The following CHST1 variants were observed in gnomAD, a reference collection of about 807,000 sequenced individuals.
CHST1 encodes the protein carbohydrate sulfotransferase 1.
CHST1 carries 10 observed loss-of-function variants against 22.5 expected under a neutral mutation model. The ratio of observed to expected loss-of-function variants is 0.44; its 90% confidence interval spans 0.27 to 0.75. The LOEUF (loss-of-function observed/expected upper bound fraction) is 0.75, where lower values mean the gene tolerates loss of function less well. CHST1 is among the 30% of genes least tolerant of loss of function. The pLI is 0.15. For synonymous variants in CHST1, 267 were observed against 264.5 expected, an observed-to-expected ratio of 1.01 and a Z score of -0.09; for missense variants, 439 against 576.1, an observed-to-expected ratio of 0.76 and a Z score of 2.44.
chr11:45,649,820 G>C lies in CHST1; in HGVS notation c.1104C>G (p.Ile368Met). 1.9e-6 allele frequency: 3 copies of C among 1,611,734 alleles called. No individual in the cohort carries two copies. Among genetic ancestry groups the C allele is most frequent in the Non-Finnish European group, 2.5e-6 (3 of 1,179,928 alleles). ...GGCAGGCGTTCTGGGCAAAGGCCAC[G>C]ATGTCGTAGGAGAGGCGGAAGCGCC... ...EKWRFRLSYDIVAFAQNACQQ... is the reference protein window; with the variant it reads ...EKWRFRLSYDMVAFAQNACQQ... Residue 368 changes from isoleucine to methionine, a missense_variant, in exon 4 of 4, where the codon ATC (isoleucine) becomes ATG (methionine). Ile to Met is a conservative substitution (Grantham distance 10). Coordinates refer to ENST00000308064, the MANE Select transcript of CHST1 (RefSeq NM_003654.6).
intron 1 of CHST1, among the ~76,000 whole-genome samples, chr11:45,661,436 AAAACAGTCCAGAGAG>A (rs1554942889): frequency 6.6e-6 from 1 of 152,232 alleles, no homozygotes; most frequent in Non-Finnish European, 1.5e-5. Flanking sequence ...TGAGGACAGC[AAAACAGTCCAGAGAG>A]ACCTGCCGGG....
chr11:45,662,799 G>C (rs1332923045), intron 1 of CHST1, among the ~76,000 whole-genome samples: 1 of 152,178 alleles, frequency 6.6e-6, no homozygotes, highest in Non-Finnish European at 1.5e-5. Flanking sequence ...GGGAGAAGCA[G>C]CAGCCTGCCA....
intron 1 of CHST1, among the ~76,000 whole-genome samples, chr11:45,656,366 A>C (rs571532715): frequency 2.0e-5 from 3 of 152,254 alleles, no homozygotes; most frequent in African/African-American, 7.2e-5. Flanking sequence ...GTACTGATAG[A>C]AACAGTCACC....
At position 45,650,533 on chromosome 11, in the gene CHST1, C is replaced by A. The variant is rs1489684099; in HGVS notation, c.391G>T (p.Asp131Tyr). 1 of 1,613,940 alleles carries A rather than the reference C, an allele frequency of 6.2e-7. No homozygotes were observed. Among genetic ancestry groups the A allele is most frequent in the East Asian group, 2.2e-5 (1 of 44,858 alleles). ...ATGTAGTTCTCCAGGAAGTAGAGGT[C>A]GCAGTCGTAGAGGCTCCGCAGGAGG... is the stretch of plus-strand genomic sequence containing the variant. Reference protein sequence around the residue: ...RDLLRSLYDCDLYFLENYIKP... With the variant: ...RDLLRSLYDCYLYFLENYIKP... The change falls in exon 4 of 4, where the codon GAC becomes TAC. Residue 131 changes from aspartate (D) to tyrosine (Y), a missense_variant. Transcript: ENST00000308064.
chr11:45,649,879 T>C lies in CHST1; in HGVS notation c.1045A>G (p.Thr349Ala), dbSNP rs1396566431. 6.2e-7 allele frequency: 1 copy of C among 1,611,174 alleles called. No homozygotes were observed. The highest frequency in any genetic ancestry group is 2.2e-5 in the East Asian group (1 of 44,862). ...DPTLGKHKYG[T>A]VRNSAATAEK... Reference sequence around the variant, plus strand: ...GCCGTGGCCGCCGAGTTTCGCACGGTGCCGTATTTGTGCTTGCCCAGGGTG... The same window carrying C: ...GCCGTGGCCGCCGAGTTTCGCACGGCGCCGTATTTGTGCTTGCCCAGGGTG... Residue 349 changes from threonine (T) to alanine (A), a missense_variant, in exon 4 of 4, where the codon ACC becomes GCC. Coordinates refer to ENST00000308064, the MANE Select transcript of CHST1 (RefSeq NM_003654.6).
chr11:45,654,863 G>A (rs1852043115), intron 1 of CHST1, among the ~76,000 whole-genome samples: 1 of 152,148 alleles, frequency 6.6e-6, no homozygotes, highest in East Asian at 1.9e-4. Context: ...GCTCTATATT[G>A]GAAAACTGTA....
At chr11:45,660,641 A>T (rs1177888472) in intron 1 of CHST1, among the ~76,000 whole-genome samples, 1 of 152,198 alleles carries the variant, frequency 6.6e-6, no homozygotes, top group Non-Finnish European at 1.5e-5. Context: ...TCTCTCAATC[A>T]GTGGTACCTT....
chr11:45,661,768 G>C (rs1037157951), intron 1 of CHST1, among the ~76,000 whole-genome samples: 20 of 152,238 alleles, frequency 1.3e-4, no homozygotes, highest in African/African-American at 4.8e-4. Context: ...AGGAGGGGAG[G>C]AGGGAGCCCT....
At chr11:45,654,200 C>T (rs1472361590) in intron 1 of CHST1, among the ~76,000 whole-genome samples, 1 of 152,174 alleles carries the variant, frequency 6.6e-6, no homozygotes, top group Non-Finnish European at 1.5e-5. Context: ...AGTTTCTTCC[C>T]CCAACTCTTC....
chr11:45,650,338 C>T lies in CHST1; in HGVS notation c.586G>A (p.Ala196Thr), dbSNP rs762830741. The T allele has an allele frequency of 9.4e-6, 15 of 1,603,408 alleles. No individual in the cohort carries two copies. The highest frequency in any genetic ancestry group is 9.3e-6 in the Non-Finnish European group (11 of 1,179,708). Residue 196 changes from alanine (A) to threonine (T), a missense_variant, in exon 4 of 4, where the codon GCG (alanine) becomes ACG (threonine). Transcript: ENST00000308064. ...GCCACGTGGCTGCGCTCGCGGCACG[C>T]CTCGGCCGCCACGGTCAGGTTGAGT... Reference protein sequence around the residue: ...GLLNLTVAAEACRERSHVAIK... With the variant: ...GLLNLTVAAETCRERSHVAIK...
intron 2 of CHST1, among the ~76,000 whole-genome samples, 200 bp from the exon 3 acceptor site, chr11:45,652,290 C>T (rs1298599811): frequency 6.6e-6 from 1 of 152,220 alleles, no homozygotes; most frequent in East Asian, 1.9e-4. Flanking sequence ...CTGAGTGTGG[C>T]CCTCTGAGTC....
At chr11:45,656,729 C>A (rs564140099) in intron 1 of CHST1, among the ~76,000 whole-genome samples, 9 of 149,812 alleles carry the variant, frequency 6.0e-5, no homozygotes, top group Admixed American at 2.0e-4. Flanking sequence ...CCCTCCCCCC[C>A]CAGGCACTGC....
rs757168138 is a variant in CHST1, at chr11:45,649,856, C to A, written c.1068G>T (p.Thr356=). 6.2e-7 allele frequency: 1 copy of A among 1,611,028 alleles called. No homozygotes were observed. The highest frequency in any genetic ancestry group is 1.7e-5 in the Admixed American group (1 of 59,992). Residue 356 remains threonine, a synonymous_variant, in exon 4 of 4, where the codon ACG becomes ACT. Coordinates refer to ENST00000308064, the MANE Select transcript of CHST1 (RefSeq NM_003654.6). ...KYGTVRNSAA[T]AEKWRFRLSY... ...AGAGGCGGAAGCGCCACTTCTCGGC[C>A]GTGGCCGCCGAGTTTCGCACGGTGC...
Position 45,649,450 on chromosome 11 carries a change from TGGGG to T in CHST1, c.*234_*237del. 1 of 458,678 alleles carries T rather than the reference TGGGG, an allele frequency of 2.2e-6. No individual in the cohort carries two copies. The highest frequency in any genetic ancestry group is 2.5e-5 in the African/African-American group (1 of 39,926). The allele number at this position is 458,678 out of a possible 1,614,324, so 28.4% of individuals were successfully genotyped here. On this transcript the variant is annotated 3_prime_UTR_variant, in exon 4 of 4. Transcript: ENST00000308064. Reference sequence around the variant, plus strand: ...GAGACCCAACATCCATGTGTCTGAATGGGGGGGGGGGGGGCGGGACCCTACTTCA... The same window carrying T: ...GAGACCCAACATCCATGTGTCTGAATGGGGGGGGGGCGGGACCCTACTTCA...
intron 1 of CHST1, among the ~76,000 whole-genome samples, chr11:45,655,062 A>G (rs946328530): frequency 6.6e-6 from 1 of 152,106 alleles, no homozygotes; most frequent in Admixed American, 6.5e-5. Context: ...TATAGACCCA[A>G]CCCAGCCTCT....
At chr11:45,657,695 G>A (rs1430889005) in intron 1 of CHST1, among the ~76,000 whole-genome samples, 1 of 152,210 alleles carries the variant, frequency 6.6e-6, no homozygotes, top group Non-Finnish European at 1.5e-5. Context: ...CCAGAGGGGT[G>A]AGCTGCTGGG....
chr11:45,662,827 T>C lies in CHST1; in HGVS notation c.-227+2351A>G, dbSNP rs1244076250. Among the ~76,000 whole-genome samples, 4 of 152,156 alleles carry C rather than the reference T, an allele frequency of 2.6e-5. No homozygotes were observed. The East Asian group carries it at 7.7e-4, about 29-fold the overall frequency. Reference sequence around the variant, plus strand: ...GCCTGCCAAGAGTCACAGCAGCAGCTGAGCGGCATCCAATGGCAGGACCCC... The same window carrying C: ...GCCTGCCAAGAGTCACAGCAGCAGCCGAGCGGCATCCAATGGCAGGACCCC... On this transcript the variant is annotated intron_variant, in intron 1 of 3. Coordinates refer to ENST00000308064, the MANE Select transcript of CHST1 (RefSeq NM_003654.6).
intron 1 of CHST1, among the ~76,000 whole-genome samples, chr11:45,663,999 GC>G (rs1480510145): frequency 6.6e-6 from 1 of 152,156 alleles, no homozygotes; most frequent in Non-Finnish European, 1.5e-5. Flanking sequence ...GGAACTGCCT[GC>G]CCAGGTAAGG....
At position 45,650,291 on chromosome 11, in the gene CHST1, G is replaced by A. The variant is rs898108901; in HGVS notation, c.633C>T (p.Pro211=). Residue 211 remains proline (P), a synonymous_variant, in exon 4 of 4, where the codon CCC becomes CCT. Transcript: ENST00000308064. ...CCAGGGCGCGCAGGTCGTTCACCTC[G>A]GGCACGCGCACCGTCTTGATGGCCA... The part of the protein sequence containing the change: ...SHVAIKTVRV[P]EVNDLRALVE... 1.2e-6 allele frequency: 2 copies of A among 1,605,480 alleles called. No homozygotes were observed. The highest frequency in any genetic ancestry group is 1.7e-6 in the Non-Finnish European group (2 of 1,179,504).
Sources: allele counts gnomAD v4.1 joint callset (sites outside exome capture counted in the v4.1 genomes callset), GRCh38; gene constraint gnomAD v4.1.1; transcripts MANE v1.5; gene names NCBI Gene and HGNC (gene_info 2026-07-23, HGNC 2026-07-21).